Variants in ADPGK observed in about 807,000 individuals in gnomAD.
The protein encoded by ADPGK is ADP dependent glucokinase, also known as ADP-dependent glucokinase.
A neutral mutation model predicts 42.4 loss-of-function variants in ADPGK; 26 were observed. The ratio of observed to expected loss-of-function variants is 0.61; its 90% CI spans 0.45 to 0.85. ADPGK has a LOEUF of 0.85. ADPGK is among the 40% of genes least tolerant of loss of function. ADPGK has a pLI of 0.00. For missense variants in ADPGK, 571 were observed against 627.0 expected (o/e 0.91, Z 0.95); for synonymous variants, 267 against 252.6 (o/e 1.06, Z -0.54).
intron 1 of ADPGK, among the ~76,000 whole-genome samples, chr15:72,775,407 A>G (rs1266809864): frequency 6.6e-6 from 1 of 152,246 alleles, no homozygotes; most frequent in Non-Finnish European, 1.5e-5. Flanking sequence ...TTTCTGAGAA[A>G]AACGCTGGCA....
chr15:72,765,908 G>C (rs2066252572), intron 3 of ADPGK, among the ~76,000 whole-genome samples: 2 of 152,318 alleles, frequency 1.3e-5, no homozygotes, highest in South Asian at 2.1e-4. Context: ...AAGATTTAGA[G>C]TATTACATAC....
intron 2 of ADPGK, among the ~76,000 whole-genome samples, chr15:72,774,300 G>A (rs914076901): frequency 6.6e-6 from 1 of 152,128 alleles, no homozygotes; most frequent in African/African-American, 2.4e-5. Context: ...AATGGGGTGG[G>A]GGCAAGACAT....
intron 3 of ADPGK, among the ~76,000 whole-genome samples, chr15:72,765,634 G>T (rs955505495): frequency 3.9e-5 from 6 of 152,174 alleles, no homozygotes; most frequent in African/African-American, 1.4e-4. Flanking sequence ...ACATTAACAG[G>T]AGTTTCAAAG....
intron 3 of ADPGK, among the ~76,000 whole-genome samples, chr15:72,769,784 C>T (rs1467557058): frequency 6.6e-6 from 1 of 152,196 alleles, no homozygotes; most frequent in Admixed American, 6.5e-5. Flanking sequence ...TACTTGGGTT[C>T]AATTCCCACT....
chr15:72,758,746 GAAGACGT>G (rs1405996239), intron 4 of ADPGK: 5 of 152,844 alleles, frequency 3.3e-5, no homozygotes, highest in African/African-American at 1.2e-4. Flanking sequence ...AAGTCTTGCT[GAAGACGT>G]AAGACTCTCC....
intron 1 of ADPGK, among the ~76,000 whole-genome samples, chr15:72,776,120 A>G (rs2066389316): frequency 1.3e-5 from 2 of 152,148 alleles, no homozygotes; most frequent in South Asian, 4.1e-4. Flanking sequence ...AGAGTTTTGG[A>G]TTTCAGAGCA....
intron 1 of ADPGK, 200 bp downstream of exon 1, chr15:72,783,259 A>G (rs1595810736): frequency 2.4e-6 from 3 of 1,241,144 alleles, no homozygotes; most frequent in Non-Finnish European, 3.0e-6. Context: ...GATGAGAGAA[A>G]GGCGCAGAGG....
At chr15:72,759,343 T>C (rs560779373) in intron 4 of ADPGK, among the ~76,000 whole-genome samples, 1 of 152,310 alleles carries the variant, frequency 6.6e-6, no homozygotes, top group East Asian at 1.9e-4. Flanking sequence ...TACTTCCCAT[T>C]TGGGAAAACT....
At chr15:72,782,539 A>AAAC (rs1372374455) in intron 1 of ADPGK, among the ~76,000 whole-genome samples, 3 of 150,950 alleles carry the variant, frequency 2.0e-5, no homozygotes, top group Admixed American at 6.6e-5. Context: ...AAAAAAAAAA[A>AAAC]AAAAAAAAAC....
intron 3 of ADPGK, among the ~76,000 whole-genome samples, chr15:72,771,165 G>A (rs546968449): frequency 6.6e-6 from 1 of 152,278 alleles, no homozygotes; most frequent in South Asian, 2.1e-4. Context: ...TCTACTCATA[G>A]CAAGAGAAAC....
rs139199944 is a variant in ADPGK, at chr15:72,781,371, T to C, written c.233+2088A>G. 3.5e-4 allele frequency among the ~76,000 whole-genome samples: 53 copies of C among 152,286 alleles called. 1 individual carries two copies. The East Asian group carries it at 8.9e-3, about 25-fold the overall frequency. ...ATCATCTCTTTACAACCCTCTACCA[T>C]AGGATTCTCGCTCCAAAACAAGGCC... On this transcript the variant is annotated intron_variant, in intron 1 of 6. Coordinates refer to ENST00000456471, the MANE Select transcript of ADPGK (RefSeq NM_001365225.1).
chr15:72,753,336 A>G (rs537928320), intron 6 of ADPGK, among the ~76,000 whole-genome samples: 18 of 152,342 alleles, frequency 1.2e-4, no homozygotes, highest in Admixed American at 2.0e-4. Flanking sequence ...TTTTTTTTAT[A>G]CAAAACACCA....
At chr15:72,771,898 C>A in intron 2 of ADPGK, 53 bp from the exon 3 acceptor site, 2 of 1,351,968 alleles carry the variant, frequency 1.5e-6, no homozygotes, top group South Asian at 3.2e-5. Context: ...CTATATCACC[C>A]AAGTTTAATC....
intron 1 of ADPGK, among the ~76,000 whole-genome samples, chr15:72,776,057 A>C (rs1439356252): frequency 2.0e-5 from 3 of 152,146 alleles, no homozygotes; most frequent in African/African-American, 7.2e-5. Context: ...GTGTGGGTGG[A>C]ATTTTCACAT....
In ADPGK at chr15:72,783,696, A is replaced by C; in HGVS notation, c.-5T>G. 6.8e-7 allele frequency: 1 copy of C among 1,468,628 alleles called. No homozygotes were observed. The highest frequency in any genetic ancestry group is 9.0e-7 in the Non-Finnish European group (1 of 1,117,066). 91.0% of individuals were successfully genotyped at this position (1,468,628 alleles called of 1,614,324 possible). On this transcript the variant is annotated 5_prime_UTR_variant, in exon 1 of 7. Coordinates refer to ENST00000456471, the MANE Select transcript of ADPGK (RefSeq NM_001365225.1). ...GGAGCCGCGCCACAGCGCCATGGGGACCCAGGCGCCGCACCTGCGCGAACC... is the reference window on the plus strand; with the variant it reads ...GGAGCCGCGCCACAGCGCCATGGGGCCCCAGGCGCCGCACCTGCGCGAACC...
At chr15:72,782,311 C>T (rs942455378) in intron 1 of ADPGK, among the ~76,000 whole-genome samples, 19 of 151,918 alleles carry the variant, frequency 1.3e-4, no homozygotes, top group South Asian at 6.2e-4. Flanking sequence ...CTCAGGAGTT[C>T]GAGACCAGCC....
Position 72,768,762 on chromosome 15 carries a change from G to A in ADPGK, c.522+3021C>T, listed in dbSNP as rs192171882. Among the ~76,000 whole-genome samples, 4 of 152,006 alleles carry A rather than the reference G, an allele frequency of 2.6e-5. No homozygotes were observed. In the East Asian group the frequency reaches 7.7e-4, roughly 29 times the overall value. On this transcript the variant is annotated intron_variant, in intron 3 of 6. Coordinates refer to ENST00000456471, the MANE Select transcript of ADPGK (RefSeq NM_001365225.1). ...TAAGGCAGGCGGATCGCTTGAGGTC[G>A]GGAGTTGAGACTAGCCTGGCAACAT...
rs1272277404 is a variant in ADPGK, at chr15:72,783,441, G to A, written c.233+18C>T. 2.2e-6 allele frequency: 3 copies of A among 1,345,888 alleles called. No homozygotes were observed. Among genetic ancestry groups the A allele is most frequent in the African/African-American group, 1.5e-5 (1 of 65,300 alleles). 83.4% of individuals were successfully genotyped at this position (1,345,888 alleles called of 1,614,324 possible). The stretch of plus-strand genomic sequence containing the variant: ...CCGACCTCGGAGGCTCAGAGACCCA[G>A]GCCCCGTTGGCACTCACCCCACTGC... On this transcript the variant is annotated intron_variant, in intron 1 of 6. Transcript: ENST00000456471.
intron 2 of ADPGK, among the ~76,000 whole-genome samples, chr15:72,773,244 TGG>T: frequency 6.6e-6 from 1 of 152,326 alleles, no homozygotes; most frequent in South Asian, 2.1e-4. Flanking sequence ...CAATTCTAGA[TGG>T]TAGACATCAC....
Sources: allele counts gnomAD v4.1 joint callset (sites outside exome capture counted in the v4.1 genomes callset), GRCh38; gene constraint gnomAD v4.1.1; transcripts MANE v1.5; gene names NCBI Gene and HGNC (gene_info 2026-07-23, HGNC 2026-07-21).